Variants in PCM1 observed in about 807,000 individuals in gnomAD.
The protein encoded by PCM1 is pericentriolar material 1 protein.
A neutral mutation model predicts 241.9 loss-of-function variants in PCM1; 157 were observed. The observed-to-expected ratio is 0.65, with a 90% CI of 0.57 to 0.74. The LOEUF is 0.74. PCM1 is among the 30% of genes least tolerant of loss of function. The pLI, the probability that PCM1 is intolerant of heterozygous loss-of-function variation, is 0.00. For synonymous variants in PCM1, 1,085 were observed against 784.9 expected (o/e 1.38, Z -6.39); for missense variants, 3,478 against 2,360.1 (o/e 1.47, Z -9.81).
chr8:18,000,301 G>T (rs182808351), intron 29 of PCM1, among the ~76,000 whole-genome samples: 1 of 152,260 alleles, frequency 6.6e-6, no homozygotes, highest in African/African-American at 2.4e-5. Flanking sequence ...AATATTACAG[G>T]CCATGGTTAG....
At position 17,955,533 on chromosome 8, in the gene PCM1, C is replaced by G; in HGVS notation, c.1352C>G (p.Ala451Gly). Residue 451 changes from alanine to glycine, a missense_variant, in exon 10 of 39, where the codon GCA becomes GGA. Ala to Gly is a moderately conservative substitution (Grantham distance 60). Coordinates refer to ENST00000325083, the MANE Select transcript of PCM1 (RefSeq NM_006197.4). ...TSAPSASVGL[A>G]PVVNGESNSL... ...GCTCCCTCTGCTTCTGTAGGCTTGGCACCGGTTGTCAATGGAGAATCCAAT... is the reference window on the plus strand; with the variant it reads ...GCTCCCTCTGCTTCTGTAGGCTTGGGACCGGTTGTCAATGGAGAATCCAAT... The G allele has an allele frequency of 6.2e-7, 1 of 1,613,660 alleles. No individual in the cohort carries two copies. The highest frequency in any genetic ancestry group is 8.5e-7 in the Non-Finnish European group (1 of 1,179,678).
rs1490286816 is a variant in PCM1 at position 17,937,169 on chromosome 8, A to G, written c.132A>G (p.Ser44=). The change falls in exon 4 of 39, where the codon TCA becomes TCG. Residue 44 remains serine (S), a synonymous_variant. Coordinates refer to ENST00000325083, the MANE Select transcript of PCM1 (RefSeq NM_006197.4). The stretch of plus-strand genomic sequence containing the variant: ...CCCAACAGAAGAAAGCAAATAGATC[A>G]TCAGAAAAGAATAAGAAAAAGTTTG... ...WGAQQKKANR[S]SEKNKKKFGV... 6.3e-7 allele frequency: 1 copy of G among 1,578,004 alleles called. No individual in the cohort carries two copies. The highest frequency in any genetic ancestry group is 8.6e-7 in the Non-Finnish European group (1 of 1,160,166).
intron 24 of PCM1, 148 bp downstream of exon 24, chr8:17,980,903 A>G: frequency 1.9e-6 from 1 of 529,894 alleles, no homozygotes; most frequent in Non-Finnish European, 3.2e-6. Flanking sequence ...ACATTCCTTG[A>G]TACTGAAAAA....
rs1480542419 is a variant in PCM1 at position 17,957,534 on chromosome 8, C to T, written c.1805-6C>T. 4 of 1,593,860 alleles carry T rather than the reference C, an allele frequency of 2.5e-6. No homozygotes were observed. Among genetic ancestry groups the T allele is most frequent in the Admixed American group, 1.8e-5 (1 of 56,102 alleles). On this transcript the variant is annotated splice_region_variant and splice_polypyrimidine_tract_variant and intron_variant, in intron 12 of 38. Coordinates refer to ENST00000325083, the MANE Select transcript of PCM1 (RefSeq NM_006197.4). ...TACTGGTTTTAATTATACATGTTTT[C>T]AGCAGATTGTCGATATAATAGAGAA... is the stretch of plus-strand genomic sequence containing the variant.
chr8:18,018,260 T>C (rs2093415030), intron 36 of PCM1, among the ~76,000 whole-genome samples: 1 of 152,182 alleles, frequency 6.6e-6, no homozygotes, highest in Non-Finnish European at 1.5e-5. Flanking sequence ...ACTGCTCTGT[T>C]TCCTACAAGC....
intron 24 of PCM1, among the ~76,000 whole-genome samples, chr8:17,983,839 C>T (rs1207191312): frequency 1.3e-5 from 2 of 152,012 alleles, no homozygotes; most frequent in African/African-American, 4.8e-5. Context: ...TGCAGCTTTA[C>T]ATGAATGAAA....
At chr8:18,016,334 T>TCTTTCTAGAACTCTAGCAAA (rs1399962835) in intron 36 of PCM1, among the ~76,000 whole-genome samples, 1 of 152,192 alleles carries the variant, frequency 6.6e-6, no homozygotes. Context: ...CTGGGACCCC[T>TCTTTCTAGAACTCTAGCAAA]CTTTCTAGAA....
intron 15 of PCM1, among the ~76,000 whole-genome samples, chr8:17,960,769 C>T (rs2129467334): frequency 6.6e-6 from 1 of 152,028 alleles, no homozygotes; most frequent in East Asian, 1.9e-4. Context: ...CGTGATTCGC[C>T]CGTCTCAGCC....
At chr8:17,982,032 T>C (rs1389671384) in intron 24 of PCM1, among the ~76,000 whole-genome samples, 1 of 152,214 alleles carries the variant, frequency 6.6e-6, no homozygotes, top group East Asian at 1.9e-4. Flanking sequence ...GGTTTTATCA[T>C]CTTTAAACTC....
Position 17,963,209 on chromosome 8 carries a change from G to C in PCM1, c.2572G>C (p.Glu858Gln). ...AEHQRRQGLAETASPVAVSLR... is the reference protein window; with the variant it reads ...AEHQRRQGLAQTASPVAVSLR... ...ACATCAGAGGAGGCAAGGTCTAGCT[G>C]AAACTGCATCTCCAGTGGCTGTGTC... The change falls in exon 17 of 39, where the codon GAA becomes CAA. Residue 858 changes from glutamate to glutamine, a missense_variant. Glu to Gln is a conservative substitution (Grantham distance 29). Transcript: ENST00000325083. 6.2e-7 allele frequency: 1 copy of C among 1,613,732 alleles called. No homozygotes were observed. The highest frequency in any genetic ancestry group is 1.1e-5 in the South Asian group (1 of 91,026).
chr8:18,022,967 C>G (rs2093877795), intron 36 of PCM1, among the ~76,000 whole-genome samples: 1 of 152,126 alleles, frequency 6.6e-6, no homozygotes, highest in African/African-American at 2.4e-5. Flanking sequence ...CGATGGTACC[C>G]ATGTGTAATA....
rs1244396611 is a variant in PCM1 at position 17,989,976 on chromosome 8, C to G, written c.4528C>G (p.Leu1510Val). ...TTTTGAGCCTTTTGCAACAGATGAT[C>G]TAGGTAAGCAGAATTGTTTATAATC... ...SNFEPFATDD[L>V]GNTVIHLDQA... The change falls in exon 27 of 39, where the codon CTA becomes GTA. Residue 1510 changes from leucine (L) to valine (V), a missense_variant. Transcript: ENST00000325083. 1.0e-5 allele frequency: 16 copies of G among 1,526,934 alleles called. No individual in the cohort carries two copies. The highest frequency in any genetic ancestry group is 1.3e-5 in the South Asian group (1 of 77,974). The allele number at this position is 1,526,934 out of a possible 1,614,324, so 94.6% of individuals were successfully genotyped here.
chr8:17,940,084 G>T (rs527876600), intron 6 of PCM1: 1 of 1,581,238 alleles, frequency 6.3e-7, no homozygotes, highest in East Asian at 2.2e-5. Context: ...TATAGATTCA[G>T]CTGTGGGATC....
At position 17,993,503 on chromosome 8, in the gene PCM1, C is replaced by T. The variant is rs200762704; in HGVS notation, c.4711C>T (p.Arg1571Cys). Residue 1571 changes from arginine (R) to cysteine (C), a missense_variant, in exon 29 of 39, where the codon CGT becomes TGT. Coordinates refer to ENST00000325083, the MANE Select transcript of PCM1 (RefSeq NM_006197.4). ...NLEETPVIEN[R>C]SSQQPVSEVS... Reference sequence around the variant, plus strand: ...ATTAGAAACTCCCGTTATTGAAAATCGTAGTTCACAACAACCTGTAAGTGA... The same window carrying T: ...ATTAGAAACTCCCGTTATTGAAAATTGTAGTTCACAACAACCTGTAAGTGA... 6.3e-5 allele frequency: 99 copies of T among 1,571,756 alleles called. No homozygotes were observed. The highest frequency in any genetic ancestry group is 8.3e-5 in the Non-Finnish European group (96 of 1,159,910).
At chr8:18,022,927 T>A (rs552232696) in intron 36 of PCM1, among the ~76,000 whole-genome samples, 21 of 152,330 alleles carry the variant, frequency 1.4e-4, no homozygotes, top group Admixed American at 5.2e-4. Context: ...CAGGGCATAT[T>A]TGAAAAGGAA....
In PCM1 at chr8:17,966,136, A is replaced by G. The variant is rs966233022; in HGVS notation, c.2993A>G (p.Gln998Arg). 1.2e-6 allele frequency: 2 copies of G among 1,614,010 alleles called. No homozygotes were observed. The highest frequency in any genetic ancestry group is 1.7e-6 in the Non-Finnish European group (2 of 1,179,860). The change falls in exon 19 of 39, where the codon CAA becomes CGA. Residue 998 changes from glutamine (Q) to arginine (R), a missense_variant. Transcript: ENST00000325083. ...SELSYVEEKEQWQEQINQLKK... is the reference protein window; with the variant it reads ...SELSYVEEKERWQEQINQLKK... ...CTCTCTTACGTAGAAGAGAAAGAAC[A>G]ATGGCAAGAACAAATCAATCAGCTA... is the stretch of plus-strand genomic sequence containing the variant.
In PCM1 at chr8:17,956,468, C is replaced by A. The variant is rs567734331; in HGVS notation, c.1473-136C>A. The A allele has an allele frequency of 3.5e-4, 219 of 617,496 alleles. 1 individual carries two copies. In the African/African-American group the frequency reaches 3.9e-3, roughly 11 times the overall value. The allele number at this position is 617,496 out of a possible 1,614,324, so 38.3% of individuals were successfully genotyped here. Reference sequence around the variant, plus strand: ...AACCTCATTATTTTACAGTCATACCCCCTGGAGAGTTCACTAGGTGGATAT... The same window carrying A: ...AACCTCATTATTTTACAGTCATACCACCTGGAGAGTTCACTAGGTGGATAT... On this transcript the variant is annotated intron_variant, in intron 10 of 38. Coordinates refer to ENST00000325083, the MANE Select transcript of PCM1 (RefSeq NM_006197.4).
intron 36 of PCM1, among the ~76,000 whole-genome samples, chr8:18,023,052 T>C (rs918700432): frequency 1.3e-5 from 2 of 152,192 alleles, no homozygotes; most frequent in Non-Finnish European, 2.9e-5. Flanking sequence ...GATGCAGATA[T>C]GACAGAGAAT....
chr8:17,923,765 T>C (rs578040656), intron 1 of PCM1, among the ~76,000 whole-genome samples: 1 of 152,018 alleles, frequency 6.6e-6, no homozygotes, highest in Non-Finnish European at 1.5e-5. Flanking sequence ...GGGGAGGCGT[T>C]CCTGGGAAGG....
Sources: gnomAD v4.1 joint callset for allele counts (sites outside exome capture counted in the v4.1 genomes callset) on GRCh38, gnomAD v4.1.1 for gene constraint, MANE v1.5 for transcripts, NCBI Gene and HGNC (gene_info 2026-07-23, HGNC 2026-07-21) for gene names.